The following KCNIP4 variants were observed in gnomAD, a reference collection of about 807,000 sequenced individuals.
KCNIP4 encodes the protein Kv channel-interacting protein 4.
Under a neutral mutation model 34.0 loss-of-function variants are expected in KCNIP4, and 12 were observed. That is an observed-to-expected ratio of 0.35 (90% CI 0.23 to 0.57). The LOEUF (loss-of-function observed/expected upper bound fraction) is 0.57. KCNIP4 is among the 20% of genes least tolerant of loss of function. KCNIP4 has a pLI of 0.83. For missense variants in KCNIP4, 238 were observed against 311.7 expected (o/e 0.76, Z 1.78); for synonymous variants, 124 against 102.2 (o/e 1.21, Z -1.29).
At chr4:21,092,623 T>C (rs1377597939) in intron 1 of KCNIP4, among the ~76,000 whole-genome samples, 1 of 146,774 alleles carries the variant, frequency 6.8e-6, no homozygotes, top group African/African-American at 2.5e-5. Flanking sequence ...CCTGGAAATA[T>C]GCTCCTTCAT....
chr4:21,570,561 C>G (rs145833566), intron 1 of KCNIP4, among the ~76,000 whole-genome samples: 156 of 152,206 alleles, frequency 1.0e-3, no homozygotes, highest in Middle Eastern at 3.4e-3. Context: ...GAGCCTAGAA[C>G]TGCATTCTGG....
rs1389958803 is a variant in KCNIP4 at position 21,720,521 on chromosome 4, G to A, written c.61+228050C>T. Among the ~76,000 whole-genome samples the A allele has an allele frequency of 2.7e-5, 3 of 111,032 alleles. No individual in the cohort carries two copies. In the East Asian group the frequency reaches 1.1e-3, roughly 41 times the overall value. The allele number at this position is 111,032 out of a possible 152,430, so 72.8% of individuals were successfully genotyped here. A position where few individuals can be genotyped will look rare whatever the true frequency, so the allele number is the denominator to read the frequency against. ...GCTGTTGTTTTTTTTCCCCCATTCT[G>A]TTTTTTTTCTTTTTTTTTTTTTCAT... On this transcript the variant is annotated intron_variant, in intron 1 of 8. Coordinates refer to ENST00000382152, the MANE Select transcript of KCNIP4 (RefSeq NM_025221.6).
intron 1 of KCNIP4, among the ~76,000 whole-genome samples, chr4:21,479,741 T>G (rs1052265393): frequency 6.6e-6 from 1 of 152,002 alleles, no homozygotes; most frequent in Non-Finnish European, 1.5e-5. Flanking sequence ...AAACCAAATC[T>G]TCAAATTAAT....
At chr4:20,873,465 C>A (rs774648758) in intron 2 of KCNIP4, among the ~76,000 whole-genome samples, 4 of 152,172 alleles carry the variant, frequency 2.6e-5, no homozygotes, top group African/African-American at 9.7e-5. Context: ...TCTCTCTCAA[C>A]AATTTGTCTT....
chr4:20,763,357 A>G (rs1438049138), intron 3 of KCNIP4, among the ~76,000 whole-genome samples: 2 of 152,202 alleles, frequency 1.3e-5, no homozygotes, highest in African/African-American at 4.8e-5. Flanking sequence ...GTGAGTGTAC[A>G]GATCAGCTGA....
chr4:21,096,010 T>C (rs1010942346), intron 1 of KCNIP4, among the ~76,000 whole-genome samples: 1 of 152,180 alleles, frequency 6.6e-6, no homozygotes, highest in Non-Finnish European at 1.5e-5. Context: ...AATTTGAATA[T>C]GGCATATAGC....
chr4:21,808,337 T>C (rs181765352), intron 1 of KCNIP4, among the ~76,000 whole-genome samples: 7 of 152,244 alleles, frequency 4.6e-5, no homozygotes, highest in Admixed American at 3.9e-4. Flanking sequence ...CTTTCTTCTC[T>C]TCTTCCTCCT....
At position 21,122,686 on chromosome 4, in the gene KCNIP4, G is replaced by A. The variant is rs940110988; in HGVS notation, c.62-239977C>T. On this transcript the variant is annotated intron_variant, in intron 1 of 8. Coordinates refer to ENST00000382152, the MANE Select transcript of KCNIP4 (RefSeq NM_025221.6). ...CTGGTATTCAAACAAAGCAGATGTC[G>A]AGAATGAGGATGAGGAAGTGAGGTG... is the stretch of plus-strand genomic sequence containing the variant. Among the ~76,000 whole-genome samples the A allele has an allele frequency of 2.6e-5, 4 of 152,058 alleles. No homozygotes were observed. In the South Asian group the frequency reaches 6.2e-4, roughly 24 times the overall value.
intron 1 of KCNIP4, among the ~76,000 whole-genome samples, chr4:21,064,237 TTTAG>T (rs1744159302): frequency 6.6e-6 from 1 of 152,160 alleles, no homozygotes; most frequent in African/African-American, 2.4e-5. Context: ...AAATATGATC[TTTAG>T]TTAATGATTT....
chr4:21,757,166 A>AGAAGGAAG (rs1560691253), intron 1 of KCNIP4, among the ~76,000 whole-genome samples: 1 of 46,352 alleles, frequency 2.2e-5, no homozygotes, highest in African/African-American at 1.2e-4. Context: ...AAAGAAAGAA[A>AGAAGGAAG]GAAGGAAGGA....
intron 1 of KCNIP4, among the ~76,000 whole-genome samples, chr4:21,367,168 A>C (rs776552287): frequency 6.6e-6 from 1 of 152,108 alleles, no homozygotes; most frequent in Non-Finnish European, 1.5e-5. Context: ...AGCATCTAGA[A>C]CTGTGAGAAC....
chr4:21,171,314 T>G (rs1029804104), intron 1 of KCNIP4, among the ~76,000 whole-genome samples: 1 of 152,108 alleles, frequency 6.6e-6, no homozygotes, highest in Non-Finnish European at 1.5e-5. Context: ...AAATGTCAAC[T>G]TAGATGAGTT....
At chr4:21,254,089 C>T (rs895185232) in intron 1 of KCNIP4, among the ~76,000 whole-genome samples, 2 of 152,048 alleles carry the variant, frequency 1.3e-5, no homozygotes, top group African/African-American at 4.8e-5. Flanking sequence ...ATAGATTATC[C>T]CTTTGGTATG....
chr4:21,198,671 A>C (rs892197388), intron 1 of KCNIP4, among the ~76,000 whole-genome samples: 1 of 152,052 alleles, frequency 6.6e-6, no homozygotes, highest in Non-Finnish European at 1.5e-5. Context: ...TGGACTTACC[A>C]CCTTGTGTGG....
chr4:21,060,556 A>T (rs142617837), intron 1 of KCNIP4, among the ~76,000 whole-genome samples: 2 of 152,182 alleles, frequency 1.3e-5, no homozygotes, highest in Non-Finnish European at 2.9e-5. Context: ...GTGCAGAGTA[A>T]TACTAGGCAG....
At chr4:21,825,641 C>T (rs577586423) in intron 1 of KCNIP4, among the ~76,000 whole-genome samples, 12 of 152,154 alleles carry the variant, frequency 7.9e-5, no homozygotes, top group South Asian at 6.2e-4. Flanking sequence ...ACTATTACAG[C>T]GACAAAAATA....
intron 1 of KCNIP4, among the ~76,000 whole-genome samples, chr4:21,234,895 G>T (rs35564076): frequency 2.0e-5 from 3 of 151,764 alleles, no homozygotes; most frequent in African/African-American, 7.3e-5. Flanking sequence ...TGATCCACCC[G>T]CCTCGGCCTC....
At chr4:20,785,495 G>A (rs1393632860) in intron 3 of KCNIP4, among the ~76,000 whole-genome samples, 4 of 152,046 alleles carry the variant, frequency 2.6e-5, no homozygotes, top group Non-Finnish European at 5.9e-5. Flanking sequence ...AATTACCTGG[G>A]ATGGTGTGTG....
intron 1 of KCNIP4, among the ~76,000 whole-genome samples, chr4:21,136,793 A>G (rs1271235430): frequency 3.9e-5 from 6 of 152,160 alleles, no homozygotes; most frequent in Admixed American, 3.9e-4. Flanking sequence ...GATACGACTT[A>G]GATATAAGGG....
Sources: allele counts gnomAD v4.1 joint callset (sites outside exome capture counted in the v4.1 genomes callset), GRCh38; gene constraint gnomAD v4.1.1; transcripts MANE v1.5; gene names NCBI Gene and HGNC (gene_info 2026-07-23, HGNC 2026-07-21).